ATE1: variants seen among roughly 807,000 people sequenced by gnomAD.
ATE1 encodes arginyl-tRNA--protein transferase 1.
In ATE1, 36 loss-of-function variants were observed where a neutral mutation model predicts 70.5. The ratio of observed to expected loss-of-function variants is 0.51; its 90% CI spans 0.39 to 0.67. The LOEUF (loss-of-function observed/expected upper bound fraction) is 0.67. Ranked by LOEUF, ATE1 falls within the 30% of genes least tolerant of loss-of-function variation. The probability of loss-of-function intolerance (pLI) is 0.00; values close to 1 mark genes in which losing one functional copy is unlikely to be tolerated. For synonymous variants in ATE1, 232 were observed against 219.3 expected (o/e 1.06, Z -0.51); for missense variants, 593 against 629.5 (o/e 0.94, Z 0.62).
intron 1 of ATE1, among the ~76,000 whole-genome samples, chr10:121,925,512 A>C (rs1345016581): frequency 6.6e-6 from 1 of 152,166 alleles, no homozygotes; most frequent in African/African-American, 2.4e-5. Flanking sequence ...TGATGTTGTC[A>C]ACATGATGGA....
intron 4 of ATE1, among the ~76,000 whole-genome samples, chr10:121,911,572 T>C (rs950399647): frequency 1.3e-5 from 2 of 152,018 alleles, no homozygotes; most frequent in Non-Finnish European, 2.9e-5. Context: ...TATGCCTCAC[T>C]AGTTTTAAAG....
intron 11 of ATE1, among the ~76,000 whole-genome samples, chr10:121,774,403 G>A (rs1007460557): frequency 1.3e-5 from 2 of 152,086 alleles, no homozygotes; most frequent in Admixed American, 6.6e-5. Flanking sequence ...AGAAAATTAA[G>A]CAATGTCATT....
rs1177067494 is a variant in ATE1 at position 121,743,920 on chromosome 10, T to TG, written c.1379-63_1379-62insC. 210 of 1,113,734 alleles carry TG rather than the reference T, an allele frequency of 1.9e-4. No homozygotes were observed. In the East Asian group the frequency reaches 2.0e-3, roughly 10 times the overall value. 69.0% of individuals were successfully genotyped at this position (1,113,734 alleles called of 1,614,324 possible). On this transcript the variant is annotated intron_variant, in intron 11 of 11. Transcript: ENST00000224652. ...CATATCAAAACTTTTTGTTTCCTTT[T>TG]TTTTTTTTTTTTTTTTTTTGAGACA...
At chr10:121,900,452 A>T (rs770172815) in intron 6 of ATE1, among the ~76,000 whole-genome samples, 6 of 152,210 alleles carry the variant, frequency 3.9e-5, no homozygotes, top group Non-Finnish European at 4.4e-5. Flanking sequence ...GACCTCATAA[A>T]GTTTTCCTAC....
chr10:121,740,850 CTAAA>C lies in ATE1; in HGVS notation c.*2826_*2829del, dbSNP rs1288678699. 5.9e-5 allele frequency: 9 copies of C among 151,976 alleles called. No individual in the cohort carries two copies. The highest frequency in any genetic ancestry group is 2.2e-4 in the African/African-American group (9 of 41,378). 9.4% of individuals were successfully genotyped at this position (151,976 alleles called of 1,614,324 possible). ...TAAAAGTCAACATAGTAATATTTAT[CTAAA>C]TAATTTTAATCAAATGTACAACATA... is the stretch of plus-strand genomic sequence containing the variant. On this transcript the variant is annotated 3_prime_UTR_variant, in exon 12 of 12. Transcript: ENST00000224652.
intron 7 of ATE1, among the ~76,000 whole-genome samples, chr10:121,888,295 G>A (rs1950470160): frequency 6.6e-6 from 1 of 152,126 alleles, no homozygotes; most frequent in African/African-American, 2.4e-5. Flanking sequence ...TCGGGAGGCT[G>A]AGACAGGAGA....
At chr10:121,908,588 C>T (rs1951295043) in intron 5 of ATE1, among the ~76,000 whole-genome samples, 1 of 152,120 alleles carries the variant, frequency 6.6e-6, no homozygotes, top group Admixed American at 6.6e-5. Context: ...AGAAGCAGTC[C>T]AGCCAGCCAG....
chr10:121,861,721 C>T (rs909137356), intron 8 of ATE1, among the ~76,000 whole-genome samples: 2 of 142,702 alleles, frequency 1.4e-5, no homozygotes, highest in Non-Finnish European at 3.0e-5. Flanking sequence ...GCACATTGTG[C>T]ACATGTACCC....
intron 11 of ATE1, among the ~76,000 whole-genome samples, chr10:121,774,884 T>C (rs1195743695): frequency 6.6e-6 from 1 of 152,144 alleles, no homozygotes; most frequent in African/African-American, 2.4e-5. Flanking sequence ...AATTTGAAAT[T>C]TCCCTGACAC....
intron 10 of ATE1, among the ~76,000 whole-genome samples, chr10:121,804,842 A>G (rs1454172556): frequency 3.3e-5 from 5 of 151,964 alleles, no homozygotes; most frequent in Admixed American, 2.6e-4. Context: ...TGGGAGCTCA[A>G]TTGTCTCCTG....
chr10:121,763,740 G>A (rs892294650), intron 11 of ATE1, among the ~76,000 whole-genome samples: 5 of 152,230 alleles, frequency 3.3e-5, no homozygotes, highest in East Asian at 3.9e-4. Flanking sequence ...CCAGCCGGGC[G>A]CAGTGGCTCA....
intron 7 of ATE1, among the ~76,000 whole-genome samples, chr10:121,898,279 A>C (rs1177833198): frequency 6.6e-6 from 1 of 152,224 alleles, no homozygotes. Context: ...TCCGTTTTTC[A>C]CTTTCAGTAC....
chr10:121,914,895 G>C (rs562383615), intron 3 of ATE1, among the ~76,000 whole-genome samples: 20 of 152,190 alleles, frequency 1.3e-4, no homozygotes, highest in Non-Finnish European at 2.9e-4. Context: ...TCCAGAATGT[G>C]ATCAGACCTA....
chr10:121,911,534 A>G (rs1951432144), intron 4 of ATE1, among the ~76,000 whole-genome samples: 1 of 152,140 alleles, frequency 6.6e-6, no homozygotes, highest in South Asian at 2.1e-4. Flanking sequence ...TCCTGCCAAC[A>G]GAACATAACA....
intron 5 of ATE1, among the ~76,000 whole-genome samples, chr10:121,906,653 C>CA (rs1951207283): frequency 6.6e-6 from 1 of 152,018 alleles, no homozygotes; most frequent in Non-Finnish European, 1.5e-5. Context: ...GGCTGGAGTG[C>CA]AGTGGCGTGA....
intron 7 of ATE1, among the ~76,000 whole-genome samples, chr10:121,881,085 T>C (rs1363694934): frequency 6.6e-6 from 1 of 152,228 alleles, no homozygotes; most frequent in Non-Finnish European, 1.5e-5. Context: ...CAAAAGCTTA[T>C]GACATCATTT....
At chr10:121,898,584 G>C (rs538551835) in intron 7 of ATE1, among the ~76,000 whole-genome samples, 3 of 152,304 alleles carry the variant, frequency 2.0e-5, no homozygotes, top group East Asian at 3.9e-4. Flanking sequence ...GTAAATGACT[G>C]TTGACCTAGA....
intron 8 of ATE1, among the ~76,000 whole-genome samples, chr10:121,863,629 A>G (rs1949557036): frequency 6.6e-6 from 1 of 151,696 alleles, no homozygotes; most frequent in Non-Finnish European, 1.5e-5. Context: ...TTATTTTTAG[A>G]GATGTGGTAT....
At chr10:121,916,009 G>A (rs1310755276) in intron 3 of ATE1, among the ~76,000 whole-genome samples, 1 of 151,788 alleles carries the variant, frequency 6.6e-6, no homozygotes, top group Non-Finnish European at 1.5e-5. Flanking sequence ...GGCCGAGGCG[G>A]GCAGATCACA....
Sources: allele counts gnomAD v4.1 joint callset (sites outside exome capture counted in the v4.1 genomes callset), GRCh38; gene constraint gnomAD v4.1.1; transcripts MANE v1.5; gene names NCBI Gene and HGNC (gene_info 2026-07-23, HGNC 2026-07-21).